Variants in HOOK3 observed in about 807,000 individuals in gnomAD.
The protein encoded by HOOK3 is hook microtubule tethering protein 3.
A neutral mutation model predicts 116.3 loss-of-function variants in HOOK3; 24 were observed. The ratio of observed to expected loss-of-function variants is 0.21; its 90% CI spans 0.15 to 0.29. HOOK3 has a LOEUF of 0.29. HOOK3 is among the 10% of genes least tolerant of loss of function. The pLI is 1.00. For missense variants in HOOK3, 632 were observed against 830.2 expected, an observed-to-expected ratio of 0.76 and a Z score of 2.93; for synonymous variants, 275 against 283.0, an observed-to-expected ratio of 0.97 and a Z score of 0.28.
intron 4 of HOOK3, among the ~76,000 whole-genome samples, chr8:42,942,916 TG>T (rs201244444): frequency 0.016 from 2,489 of 152,320 alleles, 32 homozygotes; most frequent in Non-Finnish European, 0.022. Context: ...GGGAATCAAG[TG>T]GGAATCAAGG....
chr8:42,952,026 A>G (rs1396233431), intron 6 of HOOK3, among the ~76,000 whole-genome samples: 1 of 152,208 alleles, frequency 6.6e-6, no homozygotes, highest in Non-Finnish European at 1.5e-5. Flanking sequence ...AAAATCTTGC[A>G]ATGACTTCTG....
rs542817403 is a variant in HOOK3, at chr8:43,027,017, G to A, written c.*8519G>A. 3.3e-5 allele frequency: 6 copies of A among 180,228 alleles called. No homozygotes were observed. In the East Asian group the frequency reaches 3.7e-4, roughly 11 times the overall value. 11.2% of individuals were successfully genotyped at this position (180,228 alleles called of 1,614,324 possible). On this transcript the variant is annotated 3_prime_UTR_variant, in exon 22 of 22. Coordinates refer to ENST00000307602, the MANE Select transcript of HOOK3 (RefSeq NM_032410.4). ...AGTGATTCTCCCACCTCAGCCTCCCGAGTAGTTAGGATTACAGGTGCCCAC... is the reference window on the plus strand; with the variant it reads ...AGTGATTCTCCCACCTCAGCCTCCCAAGTAGTTAGGATTACAGGTGCCCAC...
chr8:42,963,553 CAT>C (rs772665617), intron 8 of HOOK3, among the ~76,000 whole-genome samples: 161 of 152,336 alleles, frequency 1.1e-3, no homozygotes, highest in Non-Finnish European at 2.0e-3. Flanking sequence ...CTAAATCAGT[CAT>C]GTGGTAGTTG....
At chr8:42,926,805 T>G (rs1807774691) in intron 3 of HOOK3, among the ~76,000 whole-genome samples, 1 of 152,242 alleles carries the variant, frequency 6.6e-6, no homozygotes, top group Admixed American at 6.5e-5. Context: ...TGTAGCTCTG[T>G]CTCATGTGTA....
Position 43,008,906 on chromosome 8 carries a change from G to A in HOOK3, c.1738+977G>A, listed in dbSNP as rs573988374. Among the ~76,000 whole-genome samples, 1,193 of 151,010 alleles carry A rather than the reference G, an allele frequency of 7.9e-3. 16 individuals are homozygous for A. The highest frequency in any genetic ancestry group is 0.027 in the African/African-American group (1,106 of 41,264). ...GATCTCCTGACCTCGTGATCCGCCC[G>A]CCTCGGCCTCCCAAAGTGCTGGGAT... On this transcript the variant is annotated intron_variant, in intron 18 of 21. Coordinates refer to ENST00000307602, the MANE Select transcript of HOOK3 (RefSeq NM_032410.4).
chr8:43,013,494 G>A, intron 21 of HOOK3, 94 bp downstream of exon 21: 1 of 1,006,338 alleles, frequency 9.9e-7, no homozygotes, highest in Non-Finnish European at 1.4e-6. Context: ...TCTACCAAAT[G>A]AATCTGAAAG....
At chr8:42,988,267 T>G (rs1028010869) in intron 15 of HOOK3, among the ~76,000 whole-genome samples, 3 of 152,076 alleles carry the variant, frequency 2.0e-5, no homozygotes, top group Non-Finnish European at 4.4e-5. Flanking sequence ...AGCTGGCGGG[T>G]GGGCAGTCCC....
At chr8:42,931,776 A>C (rs925253225) in intron 4 of HOOK3, among the ~76,000 whole-genome samples, 1 of 147,650 alleles carries the variant, frequency 6.8e-6, no homozygotes, top group Non-Finnish European at 1.5e-5. Context: ...TTCTTTTTTG[A>C]CAGATTCTCG....
intron 21 of HOOK3, among the ~76,000 whole-genome samples, chr8:43,016,860 A>G (rs1296556706): frequency 6.6e-6 from 1 of 152,214 alleles, no homozygotes; most frequent in African/African-American, 2.4e-5. Flanking sequence ...TTGATAGAAT[A>G]GACTGAAATT....
intron 2 of HOOK3, among the ~76,000 whole-genome samples, chr8:42,914,629 C>G (rs543799902): frequency 6.6e-6 from 1 of 152,278 alleles, no homozygotes; most frequent in African/African-American, 2.4e-5. Flanking sequence ...ATATTCACTC[C>G]TTGTACACAT....
intron 10 of HOOK3, 48 bp from the exon 11 acceptor site, chr8:42,967,965 C>T (rs774643029): frequency 9.6e-7 from 1 of 1,037,202 alleles, no homozygotes; most frequent in African/African-American, 1.6e-5. Flanking sequence ...AACAACTTTA[C>T]AAGTGTGGAT....
At chr8:42,933,044 AC>A (rs1400023959) in intron 4 of HOOK3, among the ~76,000 whole-genome samples, 2 of 152,148 alleles carry the variant, frequency 1.3e-5, no homozygotes, top group African/African-American at 4.8e-5. Flanking sequence ...CCCCTTTGAC[AC>A]CATAGTTCTA....
intron 15 of HOOK3, among the ~76,000 whole-genome samples, chr8:42,990,443 C>T (rs1432348344): frequency 1.4e-5 from 2 of 140,298 alleles, no homozygotes; most frequent in South Asian, 2.3e-4. Flanking sequence ...CGGGCTCAAG[C>T]GATCTTCCCA....
At chr8:42,940,599 G>T (rs1182689948) in intron 4 of HOOK3, among the ~76,000 whole-genome samples, 2 of 152,164 alleles carry the variant, frequency 1.3e-5, no homozygotes, top group African/African-American at 4.8e-5. Flanking sequence ...TGGCTTGTGG[G>T]GTTTCTGCAG....
chr8:42,934,336 AAT>A (rs1279663183), intron 4 of HOOK3, among the ~76,000 whole-genome samples: 5 of 152,108 alleles, frequency 3.3e-5, no homozygotes, highest in African/African-American at 9.7e-5. Flanking sequence ...CTTGCTTATG[AAT>A]ATGTTTCTCT....
intron 4 of HOOK3, among the ~76,000 whole-genome samples, chr8:42,939,661 G>T (rs1216885338): frequency 6.6e-6 from 1 of 151,306 alleles, no homozygotes; most frequent in East Asian, 2.0e-4. Context: ...TGGCTGCCGG[G>T]CAGAGACGCT....
chr8:42,898,044 C>T (rs535786545), intron 1 of HOOK3, among the ~76,000 whole-genome samples: 4 of 152,258 alleles, frequency 2.6e-5, no homozygotes, highest in African/African-American at 7.2e-5. Flanking sequence ...TTTATGAAGG[C>T]TACTACAGCA....
intron 2 of HOOK3, among the ~76,000 whole-genome samples, chr8:42,919,005 C>T (rs1314631573): frequency 1.4e-4 from 20 of 145,086 alleles, no homozygotes; most frequent in South Asian, 2.2e-4. Context: ...CGGGCAGAGG[C>T]GCCCCCCACC....
chr8:42,903,853 G>A (rs1807247235), intron 1 of HOOK3, among the ~76,000 whole-genome samples: 1 of 151,816 alleles, frequency 6.6e-6, no homozygotes, highest in African/African-American at 2.4e-5. Flanking sequence ...CTACTCGGGG[G>A]GCTGAGGCAG....
Sources: allele counts gnomAD v4.1 joint callset (sites outside exome capture counted in the v4.1 genomes callset), GRCh38; gene constraint gnomAD v4.1.1; transcripts MANE v1.5; gene names NCBI Gene and HGNC (gene_info 2026-07-23, HGNC 2026-07-21).